CDH9: variants seen among roughly 807,000 people sequenced by gnomAD.
The protein encoded by CDH9 is cadherin 9.
Under a neutral mutation model 70.9 loss-of-function variants are expected in CDH9, and 28 were observed. That is an observed-to-expected ratio of 0.40 (90% CI 0.29 to 0.54). The LOEUF (loss-of-function observed/expected upper bound fraction) is 0.54. Ranked by LOEUF, CDH9 falls within the 20% of genes least tolerant of loss-of-function variation. CDH9 has a pLI of 0.59. For missense variants in CDH9, 874 were observed against 984.4 expected, an observed-to-expected ratio of 0.89 and a Z score of 1.50; for synonymous variants, 409 against 343.1, an observed-to-expected ratio of 1.19 and a Z score of -2.12.
At chr5:26,896,523 AATTTC>A (rs1482745661) in intron 7 of CDH9, among the ~76,000 whole-genome samples, 1 of 135,640 alleles carries the variant, frequency 7.4e-6, no homozygotes, top group Non-Finnish European at 1.6e-5. Flanking sequence ...ATGAAATGAA[AATTTC>A]ATTTCATTAT....
intron 2 of CDH9, among the ~76,000 whole-genome samples, chr5:26,979,828 T>A (rs1443325175): frequency 6.6e-6 from 1 of 151,644 alleles, no homozygotes; most frequent in Non-Finnish European, 1.5e-5. Flanking sequence ...AAATATTTAA[T>A]CAGAAATATA....
intron 2 of CDH9, among the ~76,000 whole-genome samples, chr5:26,979,474 T>C (rs755120166): frequency 7.9e-5 from 12 of 151,536 alleles, no homozygotes; most frequent in Non-Finnish European, 1.5e-4. Flanking sequence ...GAAACAAAGT[T>C]ATAAAGAACA....
intron 1 of CDH9, among the ~76,000 whole-genome samples, chr5:26,995,599 C>T (rs1742652186): frequency 6.6e-6 from 1 of 152,034 alleles, no homozygotes; most frequent in African/African-American, 2.4e-5. Flanking sequence ...AATTTAACAC[C>T]TGTACATTCC....
intron 9 of CDH9, among the ~76,000 whole-genome samples, chr5:26,889,176 T>C (rs1189550691): frequency 6.6e-6 from 1 of 152,022 alleles, no homozygotes; most frequent in Non-Finnish European, 1.5e-5. Context: ...AATTACATGG[T>C]TAAATTACTT....
At chr5:26,974,878 GT>G (rs1210346931) in intron 2 of CDH9, among the ~76,000 whole-genome samples, 2 of 151,960 alleles carry the variant, frequency 1.3e-5, no homozygotes, top group Non-Finnish European at 2.9e-5. Context: ...CAAATTTCAA[GT>G]ATACAACAGA....
intron 2 of CDH9, among the ~76,000 whole-genome samples, chr5:26,955,572 ATCTCTC>A (rs10541203): frequency 1.2e-3 from 173 of 144,100 alleles, no homozygotes; most frequent in East Asian, 3.1e-3. Context: ...TTGTGGCAGT[ATCTCTC>A]TCTCTCTCTC....
At chr5:26,941,657 A>C (rs762985631) in intron 2 of CDH9, among the ~76,000 whole-genome samples, 5 of 152,162 alleles carry the variant, frequency 3.3e-5, no homozygotes, top group East Asian at 1.9e-4. Flanking sequence ...AATATCTCCA[A>C]ATCTTTCACA....
At chr5:26,951,230 T>C (rs1266241688) in intron 2 of CDH9, among the ~76,000 whole-genome samples, 2 of 135,310 alleles carry the variant, frequency 1.5e-5, no homozygotes, top group Non-Finnish European at 3.0e-5. Flanking sequence ...GAGGTGGAGG[T>C]TGCAGTGAGT....
chr5:27,031,205 C>T (rs1743305394), intron 1 of CDH9, among the ~76,000 whole-genome samples: 2 of 151,764 alleles, frequency 1.3e-5, no homozygotes, highest in South Asian at 4.2e-4. Context: ...ATTCATACCA[C>T]TGAAGGTTTA....
At chr5:26,900,329 G>T (rs1740832066) in intron 7 of CDH9, among the ~76,000 whole-genome samples, 1 of 151,974 alleles carries the variant, frequency 6.6e-6, no homozygotes, top group Admixed American at 6.6e-5. Context: ...ATATCCTACT[G>T]TATTCTATGA....
intron 2 of CDH9, among the ~76,000 whole-genome samples, chr5:26,919,734 T>C (rs915085408): frequency 2.0e-5 from 3 of 151,858 alleles, no homozygotes; most frequent in Non-Finnish European, 2.9e-5. Flanking sequence ...ACCAGCTCAG[T>C]CACAGTAGGA....
chr5:26,899,464 T>A lies in CDH9; in HGVS notation c.1253+3012A>T, dbSNP rs192219112. On this transcript the variant is annotated intron_variant, in intron 7 of 11. Transcript: ENST00000231021. ...ACTGTATATACACCATGGAATACTA[T>A]GCAGCCATAAAAATAATGAGGTCAT... 2.0e-5 allele frequency among the ~76,000 whole-genome samples: 3 copies of A among 152,124 alleles called. 1 individual carries two copies. The East Asian group carries it at 5.8e-4, about 29-fold the overall frequency.
chr5:26,932,834 A>T (rs976421579), intron 2 of CDH9, among the ~76,000 whole-genome samples: 5 of 151,582 alleles, frequency 3.3e-5, no homozygotes, highest in Admixed American at 3.3e-4. Flanking sequence ...TTCAGTCTTT[A>T]TGTTAGTTTC....
chr5:27,020,674 C>T (rs921218833), intron 1 of CDH9, among the ~76,000 whole-genome samples: 7 of 150,530 alleles, frequency 4.7e-5, no homozygotes, highest in African/African-American at 1.7e-4. Context: ...ATTTTCTATG[C>T]CATTATGAAA....
intron 7 of CDH9, among the ~76,000 whole-genome samples, chr5:26,901,267 T>A (rs1382729490): frequency 1.3e-5 from 2 of 151,930 alleles, no homozygotes; most frequent in East Asian, 3.8e-4. Context: ...TGTATTTTTT[T>A]AAAACAGATG....
intron 2 of CDH9, among the ~76,000 whole-genome samples, chr5:26,927,182 G>A (rs749912809): frequency 6.6e-6 from 1 of 151,862 alleles, no homozygotes; most frequent in Non-Finnish European, 1.5e-5. Context: ...TGTTGAAAAG[G>A]CATTTAATAG....
chr5:26,994,749 A>G (rs1742639497), intron 1 of CDH9, among the ~76,000 whole-genome samples: 1 of 152,148 alleles, frequency 6.6e-6, no homozygotes, highest in Non-Finnish European at 1.5e-5. Context: ...ATCTTGATAT[A>G]GCAGCATGGA....
chr5:26,882,194 G>C lies in CDH9; in HGVS notation c.1883-571C>G, dbSNP rs184878233. 3.4e-3 allele frequency among the ~76,000 whole-genome samples: 517 copies of C among 151,890 alleles called. 4 individuals are homozygous for C. The highest frequency in any genetic ancestry group is 0.012 in the African/African-American group (502 of 41,442). On this transcript the variant is annotated intron_variant, in intron 11 of 11. Transcript: ENST00000231021. ...TAGGTTTAACTAAATTCCTTTACTG[G>C]TCTAATTTTATAGGAGGCTTAGAAA... is the stretch of plus-strand genomic sequence containing the variant.
rs143297858 is a variant in CDH9 at position 26,998,912 on chromosome 5, A to T, written c.-49-10530T>A. ...ATCATTAATATATTAAAAAGTTATT[A>T]AAAAAGGGAACAAAATAAGATATGC... On this transcript the variant is annotated intron_variant, in intron 1 of 11. Coordinates refer to ENST00000231021, the MANE Select transcript of CDH9 (RefSeq NM_016279.4). Among the ~76,000 whole-genome samples, 1,452 of 152,246 alleles carry T rather than the reference A, an allele frequency of 9.5e-3. 26 individuals are homozygous for T. Among genetic ancestry groups the T allele is most frequent in the African/African-American group, 0.033 (1,370 of 41,544 alleles).
Sources: allele counts gnomAD v4.1 joint callset (sites outside exome capture counted in the v4.1 genomes callset), GRCh38; gene constraint gnomAD v4.1.1; transcripts MANE v1.5; gene names NCBI Gene and HGNC (gene_info 2026-07-23, HGNC 2026-07-21).